The following NAF1 variants were observed in gnomAD, a reference collection of about 807,000 sequenced individuals.
The protein encoded by NAF1 is H/ACA ribonucleoprotein complex non-core subunit NAF1.
Under a neutral mutation model 40.6 loss-of-function variants are expected in NAF1, and 11 were observed. The ratio of observed to expected loss-of-function variants is 0.27; its 90% CI spans 0.17 to 0.45. NAF1 has a LOEUF of 0.45. Ranked by LOEUF, NAF1 falls within the 20% of genes least tolerant of loss-of-function variation. NAF1 has a pLI of 1.00. For synonymous variants in NAF1, 260 were observed against 228.5 expected, an observed-to-expected ratio of 1.14 and a Z score of -1.24; for missense variants, 607 against 611.1, an observed-to-expected ratio of 0.99 and a Z score of 0.07.
At chr4:163,112,498 G>A (rs1730193080) in intron 2 of NAF1, among the ~76,000 whole-genome samples, 1 of 152,106 alleles carries the variant, frequency 6.6e-6, no homozygotes, top group African/African-American at 2.4e-5. Context: ...TACATGCTTG[G>A]CAAAGCTTAA....
At chr4:163,140,829 C>T (rs910373857) in intron 4 of NAF1, among the ~76,000 whole-genome samples, 1 of 152,144 alleles carries the variant, frequency 6.6e-6, no homozygotes, top group Non-Finnish European at 1.5e-5. Context: ...AGTTAAATCA[C>T]TTTTGCTGTT....
intron 2 of NAF1, chr4:163,119,515 C>T (rs1333722343): frequency 6.6e-6 from 1 of 152,158 alleles, no homozygotes; most frequent in Non-Finnish European, 1.5e-5. Context: ...CACTAATGAA[C>T]AGCAGTTTCC....
At chr4:163,115,351 G>A (rs192368251) in intron 2 of NAF1, among the ~76,000 whole-genome samples, 274 of 151,878 alleles carry the variant, frequency 1.8e-3, no homozygotes, top group Non-Finnish European at 3.4e-3. Context: ...TGGGACTACA[G>A]GCGCCCACCA....
chr4:163,125,687 A>G (rs949368956), downstream of NAF1, among the ~76,000 whole-genome samples: 1 of 152,236 alleles, frequency 6.6e-6, no homozygotes, highest in African/African-American at 2.4e-5. Context: ...GAAGATCTAG[A>G]TAAGATGGAT....
In NAF1 at chr4:163,121,568, C is replaced by G. The variant is rs972951297; in HGVS notation, c.115-11278G>C. On this transcript the variant is annotated intron_variant, in intron 2 of 2. Transcript: ENST00000509434. ...TTACTAAAATTACCTACTTTTTAAA[C>G]ATTTAGACCTCAGAGATTATTATTG... Among the ~76,000 whole-genome samples, 3 of 152,106 alleles carry G rather than the reference C, an allele frequency of 2.0e-5. No individual in the cohort carries two copies. The East Asian group carries it at 5.8e-4, about 29-fold the overall frequency.
chr4:163,164,141 G>A lies in NAF1; in HGVS notation c.540+76C>T, dbSNP rs1188539826. On this transcript the variant is annotated intron_variant, in intron 2 of 7. Coordinates refer to ENST00000274054, the MANE Select transcript of NAF1 (RefSeq NM_138386.3). ...TTTCAAATTTATGGAGCAGATATAG[G>A]CAAAATTAGATCAATACTGGTACCA... 4 of 1,371,170 alleles carry A rather than the reference G, an allele frequency of 2.9e-6. No individual in the cohort carries two copies. The African/African-American group carries it at 6.0e-5, about 21-fold the overall frequency. The allele number at this position is 1,371,170 out of a possible 1,614,324, so 84.9% of individuals were successfully genotyped here. A position where few individuals can be genotyped will look rare whatever the true frequency, so the allele number is the denominator to read the frequency against.
chr4:163,109,332 C>T (rs116160743), downstream of NAF1, among the ~76,000 whole-genome samples: 3,493 of 151,868 alleles, frequency 0.023, 134 homozygotes, highest in African/African-American at 0.064. Context: ...AGAATTTATA[C>T]CATAAATTCT....
chr4:163,166,316 TCATACAAGAC>T, intron 1 of NAF1, 37 bp downstream of exon 1: 1 of 1,517,580 alleles, frequency 6.6e-7, no homozygotes, highest in African/African-American at 1.4e-5. Context: ...CCCCCGCCCG[TCATACAAGAC>T]CTCTCCCCAC....
At chr4:163,132,772 TGAATCTATG>T (rs1350754062) in intron 7 of NAF1, among the ~76,000 whole-genome samples, 3 of 152,214 alleles carry the variant, frequency 2.0e-5, no homozygotes, top group Non-Finnish European at 4.4e-5. Context: ...CAACTGTATG[TGAATCTATG>T]GTTATCTCAG....
chr4:163,108,435 A>G (rs944017733), downstream of NAF1, among the ~76,000 whole-genome samples: 6 of 152,236 alleles, frequency 3.9e-5, no homozygotes, highest in African/African-American at 1.4e-4. Context: ...CACCTGGAGA[A>G]CATCTCTTAC....
intron 2 of NAF1, among the ~76,000 whole-genome samples, chr4:163,163,632 T>A (rs1416625926): frequency 6.6e-6 from 1 of 152,120 alleles, no homozygotes; most frequent in African/African-American, 2.4e-5. Flanking sequence ...TTGCAAGAGT[T>A]AACTTTGCAA....
At chr4:163,106,273 T>G (rs1730048518), downstream of NAF1, among the ~76,000 whole-genome samples, 1 of 152,210 alleles carries the variant, frequency 6.6e-6, no homozygotes, top group African/African-American at 2.4e-5. Context: ...TTTTGTAAAT[T>G]AAAGTATGCC....
downstream of NAF1, among the ~76,000 whole-genome samples, chr4:163,108,004 C>T (rs1020315315): frequency 6.6e-6 from 1 of 152,136 alleles, no homozygotes; most frequent in Non-Finnish European, 1.5e-5. Flanking sequence ...ATACTACTTT[C>T]AATATTGCAG....
intron 2 of NAF1, among the ~76,000 whole-genome samples, chr4:163,112,739 T>A (rs1730201532): frequency 1.3e-5 from 2 of 152,300 alleles, no homozygotes; most frequent in Admixed American, 1.3e-4. Flanking sequence ...CAGCTCTATG[T>A]CCACCCAATA....
intron 4 of NAF1, among the ~76,000 whole-genome samples, chr4:163,144,752 A>T (rs1339640903): frequency 6.6e-6 from 1 of 152,210 alleles, no homozygotes; most frequent in Non-Finnish European, 1.5e-5. Flanking sequence ...GTTATATTTT[A>T]TCTGACTCCT....
In NAF1 at chr4:163,163,519, C is replaced by T. The variant is rs188378972; in HGVS notation, c.540+698G>A. On this transcript the variant is annotated intron_variant, in intron 2 of 7. Coordinates refer to ENST00000274054, the MANE Select transcript of NAF1 (RefSeq NM_138386.3). ...GAAAAAAAACAATGTGATAATATGG[C>T]CTACATTCTGAAATTCTGAGAAGGC... is the stretch of plus-strand genomic sequence containing the variant. Among the ~76,000 whole-genome samples, 23 of 152,044 alleles carry T rather than the reference C, an allele frequency of 1.5e-4. No homozygotes were observed. The East Asian group carries it at 3.9e-3, about 26-fold the overall frequency.
Position 163,129,067 on chromosome 4 carries a change from G to C in NAF1, c.1315C>G (p.Pro439Ala). ...FDMHNFPLRP[P>A]PPPPPPPVNM... ...ACAGGTGGGGGTGGTGGTGGGGGTG[G>C]AGGGCGGAGGGGAAAATTATGCATG... Residue 439 changes from proline to alanine, a missense_variant, in exon 8 of 8, where the codon CCA (proline) becomes GCA (alanine). Physicochemically the swap from Pro to Ala is conservative, Grantham distance 27 (BLOSUM62 -1). Around this residue, in one of 3 missense-constraint regions of NAF1, gnomAD observed 189 missense variants for 216.6 expected, o/e 0.87. Transcript: ENST00000274054. The C allele has an allele frequency of 1.4e-6, 2 of 1,402,316 alleles. No individual in the cohort carries two copies. Among genetic ancestry groups the C allele is most frequent in the Non-Finnish European group, 2.0e-6 (2 of 1,019,050 alleles). The allele number at this position is 1,402,316 out of a possible 1,614,324, so 86.9% of individuals were successfully genotyped here.
rs576561640 is a variant in NAF1 at position 163,150,204 on chromosome 4, A to G, written c.541-1770T>C. ...TGTAATATAATAGTTATGCTTTGAT[A>G]TAAATCTAAACTGATACTGTTTTGC... is the stretch of plus-strand genomic sequence containing the variant. On this transcript the variant is annotated intron_variant, in intron 2 of 7. Transcript: ENST00000274054. Among the ~76,000 whole-genome samples the G allele has an allele frequency of 5.9e-5, 9 of 152,280 alleles. No homozygotes were observed. In the East Asian group the frequency reaches 1.2e-3, roughly 20 times the overall value.
intron 2 of NAF1, among the ~76,000 whole-genome samples, chr4:163,114,042 G>C (rs1730248861): frequency 6.6e-6 from 1 of 152,188 alleles, no homozygotes; most frequent in Admixed American, 6.5e-5. Context: ...GTTTACCACA[G>C]GAATTAGAGC....
Sources: allele counts gnomAD v4.1 joint callset (sites outside exome capture counted in the v4.1 genomes callset), GRCh38; gene constraint gnomAD v4.1.1; regional missense constraint gnomAD v4.1.1; transcripts MANE v1.5; gene names NCBI Gene and HGNC (gene_info 2026-07-23, HGNC 2026-07-21).